The following STK39 variants were observed in gnomAD, a reference collection of about 807,000 sequenced individuals.
STK39 encodes STE20/SPS1-related proline-alanine-rich protein kinase.
Under a neutral mutation model 77.8 loss-of-function variants are expected in STK39, and 20 were observed. That is an observed-to-expected ratio of 0.26 (90% confidence interval 0.18 to 0.37). The LOEUF is 0.37. Among genes scored for constraint, STK39 ranks in the 10% least tolerant of loss-of-function variants. The pLI, the probability that STK39 is intolerant of heterozygous loss-of-function variation, is 1.00. For missense variants in STK39, 479 were observed against 656.5 expected (o/e 0.73, Z 2.95); for synonymous variants, 246 against 234.1 (o/e 1.05, Z -0.47).
intron 10 of STK39, among the ~76,000 whole-genome samples, chr2:168,081,689 C>T (rs1177246279): frequency 2.4e-4 from 37 of 152,136 alleles, no homozygotes; most frequent in Admixed American, 2.4e-3. Flanking sequence ...TGTGTCCGCA[C>T]CCAAATCTCA....
chr2:168,041,068 C>G (rs1036226937), intron 14 of STK39, among the ~76,000 whole-genome samples: 1 of 152,144 alleles, frequency 6.6e-6, no homozygotes, highest in African/African-American at 2.4e-5. Flanking sequence ...TCCTTGCCCA[C>G]TTGGAGCTTA....
chr2:168,228,203 A>C lies in STK39; in HGVS notation c.208+19025T>G, dbSNP rs559830215. Among the ~76,000 whole-genome samples the C allele has an allele frequency of 1.2e-3, 177 of 152,342 alleles. 1 individual carries two copies. In the Middle Eastern group the frequency reaches 0.024, roughly 20 times the overall value. ...GCTTGTCAGTGTATGCCAAAATCTC[A>C]AGAAATAAAATCACTTTTGCCAAGC... is the stretch of plus-strand genomic sequence containing the variant. On this transcript the variant is annotated intron_variant, in intron 1 of 17. Transcript: ENST00000355999.
chr2:168,030,047 T>C (rs973433840), intron 14 of STK39, among the ~76,000 whole-genome samples: 1 of 152,102 alleles, frequency 6.6e-6, no homozygotes, highest in African/African-American at 2.4e-5. Context: ...GAGACCATCC[T>C]GGCTAACACG....
chr2:168,140,003 A>C (rs962846625), intron 7 of STK39, among the ~76,000 whole-genome samples: 3 of 152,200 alleles, frequency 2.0e-5, no homozygotes, highest in African/African-American at 7.2e-5. Context: ...CTATCAAAAG[A>C]GTAATGACCA....
At chr2:168,065,159 C>T (rs2290106) in intron 13 of STK39, among the ~76,000 whole-genome samples, 160 bp downstream of exon 13, 7,033 of 152,168 alleles carry the variant, frequency 0.046, 319 homozygotes, top group East Asian at 0.19. Context: ...GGTTGGAGGT[C>T]CCACAAAGCA....
intron 1 of STK39, among the ~76,000 whole-genome samples, chr2:168,185,204 G>A (rs577693758): frequency 8.5e-5 from 13 of 152,250 alleles, no homozygotes; most frequent in African/African-American, 2.6e-4. Context: ...TTTGGAATAA[G>A]AGTTCTTAAC....
chr2:168,242,505 C>T (rs1045415558), intron 1 of STK39, among the ~76,000 whole-genome samples: 9 of 137,812 alleles, frequency 6.5e-5, no homozygotes, highest in Admixed American at 2.4e-4. Context: ...ACTGAGATGG[C>T]GCCACTGCAA....
At chr2:168,048,537 C>A (rs1685310079) in intron 14 of STK39, among the ~76,000 whole-genome samples, 1 of 138,170 alleles carries the variant, frequency 7.2e-6, no homozygotes, top group Admixed American at 7.5e-5. Context: ...TTTTTAAGTT[C>A]AGGTAAATTC....
intron 17 of STK39, among the ~76,000 whole-genome samples, chr2:167,963,792 G>C (rs1057175992): frequency 6.6e-5 from 10 of 152,078 alleles, no homozygotes; most frequent in African/African-American, 1.4e-4. Flanking sequence ...TAATCATTTA[G>C]CATTTTTGGT....
intron 16 of STK39, among the ~76,000 whole-genome samples, chr2:167,977,522 A>C (rs1683308921): frequency 6.6e-6 from 1 of 152,088 alleles, no homozygotes; most frequent in African/African-American, 2.4e-5. Flanking sequence ...GTTTACCAGG[A>C]ATACCCAGAA....
At chr2:168,128,982 C>T (rs1347440305) in intron 10 of STK39, among the ~76,000 whole-genome samples, 1 of 152,104 alleles carries the variant, frequency 6.6e-6, no homozygotes, top group East Asian at 1.9e-4. Flanking sequence ...TGGAAAAATA[C>T]ATAAATAAAT....
intron 1 of STK39, among the ~76,000 whole-genome samples, chr2:168,212,961 G>C (rs1689928999): frequency 6.6e-6 from 1 of 152,198 alleles, no homozygotes; most frequent in African/African-American, 2.4e-5. Flanking sequence ...TTATGGAGGA[G>C]AATCTGCCTC....
At chr2:168,077,128 A>C (rs1246202955) in intron 10 of STK39, among the ~76,000 whole-genome samples, 1 of 152,222 alleles carries the variant, frequency 6.6e-6, no homozygotes, top group Non-Finnish European at 1.5e-5. Flanking sequence ...TGAGAAAACA[A>C]GTAAAATTAT....
At chr2:168,235,094 G>A (rs1690564467) in intron 1 of STK39, among the ~76,000 whole-genome samples, 1 of 150,744 alleles carries the variant, frequency 6.6e-6, no homozygotes, top group South Asian at 2.1e-4. Context: ...CTGGAGTGCA[G>A]CGGCGTGATC....
At chr2:168,101,457 G>A (rs1361402416) in intron 10 of STK39, among the ~76,000 whole-genome samples, 2 of 152,110 alleles carry the variant, frequency 1.3e-5, no homozygotes. Flanking sequence ...ATATACATTG[G>A]CCAGGCGCTG....
chr2:167,990,225 TA>T (rs1462845032), intron 16 of STK39, among the ~76,000 whole-genome samples: 1 of 152,226 alleles, frequency 6.6e-6, no homozygotes, highest in Non-Finnish European at 1.5e-5. Flanking sequence ...TGGTACCTGA[TA>T]CGCAGGCTCT....
intron 14 of STK39, among the ~76,000 whole-genome samples, chr2:168,023,015 AG>A (rs1684607494): frequency 6.6e-6 from 1 of 152,210 alleles, no homozygotes; most frequent in African/African-American, 2.4e-5. Flanking sequence ...CTCGGGCTCA[AG>A]CAATCCTCCT....
intron 1 of STK39, among the ~76,000 whole-genome samples, chr2:168,235,342 C>T (rs530559591): frequency 1.7e-4 from 26 of 151,964 alleles, no homozygotes; most frequent in African/African-American, 5.8e-4. Flanking sequence ...ACGGCCGGCC[C>T]GAGTCAATAA....
chr2:168,224,656 C>T (rs1690260221), intron 1 of STK39, among the ~76,000 whole-genome samples: 1 of 152,124 alleles, frequency 6.6e-6, no homozygotes. Context: ...TTTCTCCTAA[C>T]TAATAAGGAG....
Sources: allele counts gnomAD v4.1 joint callset (sites outside exome capture counted in the v4.1 genomes callset), GRCh38; gene constraint gnomAD v4.1.1; transcripts MANE v1.5; gene names NCBI Gene and HGNC (gene_info 2026-07-23, HGNC 2026-07-21).